THAP5: variants seen among roughly 807,000 people sequenced by gnomAD.
THAP5 encodes the protein THAP domain-containing protein 5.
Under a neutral mutation model 34.0 loss-of-function variants are expected in THAP5, and 26 were observed. That is an observed-to-expected ratio of 0.77 (90% CI 0.56 to 1.06). The LOEUF is 1.06. THAP5 is among the 50% of genes least tolerant of loss of function. THAP5 has a pLI of 0.00. For synonymous variants in THAP5, 125 were observed against 153.0 expected (o/e 0.82, Z 1.35); for missense variants, 394 against 452.8 (o/e 0.87, Z 1.18).
Position 108,556,721 on chromosome 7 carries a change from A to G in THAP5, n.109-1862T>C, listed in dbSNP as rs543492976. 1.5e-4 allele frequency among the ~76,000 whole-genome samples: 23 copies of G among 152,272 alleles called. No homozygotes were observed. In the South Asian group the frequency reaches 4.8e-3, roughly 32 times the overall value. On this transcript the variant is annotated intron_variant and non_coding_transcript_variant, in intron 1 of 1. Transcript: ENST00000468884. ...GGAGCTTTTCCAGGTGCATGGGGGA[A>G]GCTGTCAGTGTATCTACCATTCTGG... is the stretch of plus-strand genomic sequence containing the variant.
downstream of THAP5, among the ~76,000 whole-genome samples, chr7:108,560,526 A>G (rs755904721): frequency 2.1e-4 from 32 of 152,328 alleles, no homozygotes; most frequent in Admixed American, 1.1e-3. Context: ...CTCTTTTGGA[A>G]ATCTGGAATT....
chr7:108,558,377 G>GTGTGTATATATATATATATA (rs1401164750), downstream of THAP5, among the ~76,000 whole-genome samples: 102 of 62,932 alleles, frequency 1.6e-3, 3 homozygotes, highest in African/African-American at 6.3e-3. Context: ...ATGTGTGTGT[G>GTGTGTATATATATATATATA]TATGTATATA....
downstream of THAP5, among the ~76,000 whole-genome samples, chr7:108,549,941 C>T (rs956913599): frequency 6.6e-6 from 1 of 152,170 alleles, no homozygotes; most frequent in African/African-American, 2.4e-5. Context: ...TCACCACCAG[C>T]TTGGAATTCC....
At chr7:108,554,426 G>A (rs1864372897), downstream of THAP5, 1 of 152,116 alleles carries the variant, frequency 6.6e-6, no homozygotes, top group South Asian at 2.1e-4. Flanking sequence ...CAAGATAAAG[G>A]GTGGAAGCCC....
intron 1 of THAP5, among the ~76,000 whole-genome samples, chr7:108,567,015 T>G (rs1790500699): frequency 6.6e-6 from 1 of 152,176 alleles, no homozygotes; most frequent in South Asian, 2.1e-4. Flanking sequence ...ATGTAGCTGT[T>G]ATACACTCCC....
the THAP5 span, among the ~76,000 whole-genome samples, chr7:108,547,562 A>C: frequency 6.6e-6 from 1 of 152,160 alleles, no homozygotes; most frequent in African/African-American, 2.4e-5. Context: ...TAATCCCTAA[A>C]TTTATTTTCT....
chr7:108,566,832 G>A (rs1254592513), intron 1 of THAP5, among the ~76,000 whole-genome samples: 1 of 152,154 alleles, frequency 6.6e-6, no homozygotes, highest in Non-Finnish European at 1.5e-5. Flanking sequence ...GTGTATGGCA[G>A]AATTTGATAG....
chr7:108,559,329 CG>C (rs1009895915), downstream of THAP5, among the ~76,000 whole-genome samples: 3 of 152,154 alleles, frequency 2.0e-5, no homozygotes, highest in Non-Finnish European at 4.4e-5. Flanking sequence ...CATGAAAATA[CG>C]AGAGTGTTTT....
At chr7:108,552,824 C>T (rs571114679), downstream of THAP5, among the ~76,000 whole-genome samples, 23 of 152,058 alleles carry the variant, frequency 1.5e-4, no homozygotes, top group African/African-American at 5.3e-4. Context: ...AATCTCTTTA[C>T]CGTTGTTATA....
At position 108,569,698 on chromosome 7, in the gene THAP5, G is replaced by A. The variant is rs1189248662; in HGVS notation, c.-129C>T. 3 of 1,263,628 alleles carry A rather than the reference G, an allele frequency of 2.4e-6. No homozygotes were observed. Among genetic ancestry groups the A allele is most frequent in the Non-Finnish European group, 2.2e-6 (2 of 914,424 alleles). The allele number at this position is 1,263,628 out of a possible 1,614,324, so 78.3% of individuals were successfully genotyped here. ...GCGCTAGCATTCTGCCGGGAAAGCCGCCTCGTCTGTCGACTCACTTCCGCC... is the reference window on the plus strand; with the variant it reads ...GCGCTAGCATTCTGCCGGGAAAGCCACCTCGTCTGTCGACTCACTTCCGCC... On this transcript the variant is annotated 5_prime_UTR_variant, in exon 1 of 3. Transcript: ENST00000415914.
downstream of THAP5, among the ~76,000 whole-genome samples, chr7:108,561,600 A>C (rs531244703): frequency 1.3e-5 from 2 of 152,218 alleles, no homozygotes; most frequent in South Asian, 4.1e-4. Flanking sequence ...GATTTTCTAA[A>C]TGAAGCATGT....
chr7:108,564,948 T>G lies in THAP5; in HGVS notation c.431A>C (p.His144Pro). 6.4e-7 allele frequency: 1 copy of G among 1,563,048 alleles called. No individual in the cohort carries two copies. The highest frequency in any genetic ancestry group is 8.7e-7 in the Non-Finnish European group (1 of 1,151,260). Residue 144 changes from histidine to proline, a missense_variant, in exon 3 of 3, where the codon CAT becomes CCT. Coordinates refer to ENST00000415914, the MANE Select transcript of THAP5 (RefSeq NM_001130475.3). ...DVPHQHPELL[H>P]SSSLVKPPAP... is the part of the protein sequence containing the mutation. The stretch of plus-strand genomic sequence containing the variant: ...TGGTGGCTTTACCAAGGAAGATGAA[T>G]GAAGTAATTCTGGATGTTGATGGGG...
downstream of THAP5, among the ~76,000 whole-genome samples, chr7:108,559,995 A>G (rs1020455922): frequency 3.9e-5 from 6 of 152,214 alleles, no homozygotes; most frequent in African/African-American, 1.4e-4. Context: ...AAATATTTAT[A>G]GTTTGATCTT....
the THAP5 span, among the ~76,000 whole-genome samples, chr7:108,544,581 AAAC>A: frequency 1.3e-5 from 2 of 151,844 alleles, no homozygotes; most frequent in African/African-American, 4.8e-5. Context: ...TAGAATAGGT[AAAC>A]AACAACAACA....
At chr7:108,557,616 T>TC (rs1433987835), downstream of THAP5, among the ~76,000 whole-genome samples, 1 of 152,178 alleles carries the variant, frequency 6.6e-6, no homozygotes, top group Non-Finnish European at 1.5e-5. Context: ...ATCTGAGACC[T>TC]CCTCAGCCTG....
chr7:108,564,769 T>C lies in THAP5; in HGVS notation c.610A>G (p.Thr204Ala). 3 of 1,613,328 alleles carry C rather than the reference T, an allele frequency of 1.9e-6. No homozygotes were observed. The highest frequency in any genetic ancestry group is 2.5e-6 in the Non-Finnish European group (3 of 1,179,432). Residue 204 changes from threonine (T) to alanine (A), a missense_variant, in exon 3 of 3, where the codon ACT (threonine) becomes GCT (alanine). Thr to Ala is a moderately conservative substitution (Grantham distance 58, BLOSUM62 0). Coordinates refer to ENST00000415914, the MANE Select transcript of THAP5 (RefSeq NM_001130475.3). Reference protein sequence around the residue: ...HTCFENLNSTTITLTTSNSES... With the variant: ...HTCFENLNSTAITLTTSNSES... The stretch of plus-strand genomic sequence containing the variant: ...GAATTTGAAGTTGTCAAAGTAATAG[T>C]TGTAGAATTTAGATTCTCAAAACAT...
At chr7:108,556,870 G>T (rs552204865) in intron 1 of THAP5, among the ~76,000 whole-genome samples, 59 of 152,356 alleles carry the variant, frequency 3.9e-4, no homozygotes, top group Admixed American at 8.5e-4. Flanking sequence ...TCTCCATGAG[G>T]GCTCTGCCCC....
intron 2 of THAP5, 160 bp downstream of exon 2, chr7:108,565,665 ATTTTT>A (rs983055773): frequency 3.9e-6 from 2 of 506,844 alleles, no homozygotes; most frequent in Admixed American, 3.8e-5. Flanking sequence ...CATGAGTTTA[ATTTTT>A]TTTAATTATC....
intron 1 of THAP5, chr7:108,569,103 C>CG (rs1421047771): frequency 1.9e-6 from 2 of 1,048,922 alleles, no homozygotes; most frequent in Non-Finnish European, 1.2e-6. Flanking sequence ...ACCTACCTCG[C>CG]GGGGGGTGTA....
Sources: gnomAD v4.1 joint callset for allele counts (sites outside exome capture counted in the v4.1 genomes callset) on GRCh38, gnomAD v4.1.1 for gene constraint, MANE v1.5 for transcripts, NCBI Gene and HGNC (gene_info 2026-07-23, HGNC 2026-07-21) for gene names.